WWOX: variants seen among roughly 807,000 people sequenced by gnomAD.
WWOX encodes the protein WW domain containing oxidoreductase.
A neutral mutation model predicts 46.2 loss-of-function variants in WWOX; 69 were observed. The ratio of observed to expected loss-of-function variants is 1.49; its 90% CI spans 1.23 to 1.82. WWOX has a LOEUF of 1.82. Among genes scored for constraint, WWOX ranks in the 40% most tolerant of loss-of-function variants. WWOX has a pLI of 0.00. For synonymous variants in WWOX, 359 were observed against 202.6 expected (o/e 1.77, Z -6.56); for missense variants, 919 against 542.6 (o/e 1.69, Z -6.89).
At chr16:78,859,498 G>T (rs1161141063) in intron 8 of WWOX, among the ~76,000 whole-genome samples, 1 of 152,178 alleles carries the variant, frequency 6.6e-6, no homozygotes, top group Admixed American at 6.5e-5. Flanking sequence ...ATGTGTTATA[G>T]CTCGATTTTT....
Position 78,914,357 on chromosome 16 carries a change from C to T in WWOX, c.1057-297251C>T, listed in dbSNP as rs140203798. 2.0e-5 allele frequency among the ~76,000 whole-genome samples: 3 copies of T among 152,134 alleles called. No homozygotes were observed. In the East Asian group the frequency reaches 5.8e-4, roughly 29 times the overall value. On this transcript the variant is annotated intron_variant, in intron 8 of 8. Coordinates refer to ENST00000566780, the MANE Select transcript of WWOX (RefSeq NM_016373.4). ...CTTCAGCACTTAGAACAGTACCTGG[C>T]ATATAGGATGAGCTTCAGAAATATT...
intron 8 of WWOX, among the ~76,000 whole-genome samples, chr16:78,783,048 T>G (rs2050369905): frequency 6.6e-6 from 1 of 152,198 alleles, no homozygotes; most frequent in African/African-American, 2.4e-5. Flanking sequence ...AATTATCACT[T>G]AAACTCAATA....
At chr16:79,176,629 T>C (rs1462380143) in intron 8 of WWOX, among the ~76,000 whole-genome samples, 1 of 152,192 alleles carries the variant, frequency 6.6e-6, no homozygotes, top group Non-Finnish European at 1.5e-5. Context: ...TGTGTCTTCA[T>C]GTCATTAAAC....
At chr16:78,107,426 T>C (rs2151664273) in intron 1 of WWOX, among the ~76,000 whole-genome samples, 1 of 152,360 alleles carries the variant, frequency 6.6e-6, no homozygotes, top group South Asian at 2.1e-4. Context: ...CAGAGCTTTT[T>C]GTATGCCAAG....
At chr16:78,101,915 G>C (rs1360820329) in intron 1 of WWOX, among the ~76,000 whole-genome samples, 2 of 152,152 alleles carry the variant, frequency 1.3e-5, no homozygotes, top group Non-Finnish European at 2.9e-5. Flanking sequence ...CACGCAGTGT[G>C]TATACCAGGA....
intron 7 of WWOX, among the ~76,000 whole-genome samples, chr16:78,429,816 C>G (rs2083175578): frequency 6.6e-6 from 1 of 152,186 alleles, no homozygotes; most frequent in South Asian, 2.1e-4. Context: ...GAAAAAATAA[C>G]TGAAACAAAA....
intron 8 of WWOX, among the ~76,000 whole-genome samples, chr16:78,466,441 TTTATG>T (rs572238970): frequency 0.01 from 1,541 of 151,616 alleles, 17 homozygotes; most frequent in South Asian, 0.021. Context: ...TTTGAAATAA[TTTATG>T]TTATGTGAAT....
intron 8 of WWOX, among the ~76,000 whole-genome samples, chr16:78,624,450 C>G (rs1268651974): frequency 6.6e-6 from 1 of 152,158 alleles, no homozygotes; most frequent in Non-Finnish European, 1.5e-5. Flanking sequence ...TTAATACTGA[C>G]TCATATCTTA....
At chr16:78,889,723 C>T (rs1003426726) in intron 8 of WWOX, among the ~76,000 whole-genome samples, 2 of 152,046 alleles carry the variant, frequency 1.3e-5, no homozygotes, top group African/African-American at 2.4e-5. Flanking sequence ...CAGGTATTTT[C>T]CCCCCATTTT....
intron 8 of WWOX, among the ~76,000 whole-genome samples, chr16:78,976,686 GAA>G (rs1199868593): frequency 6.6e-6 from 1 of 152,170 alleles, no homozygotes; most frequent in African/African-American, 2.4e-5. Flanking sequence ...AATCCAAAGA[GAA>G]AATGCCTGAG....
intron 8 of WWOX, among the ~76,000 whole-genome samples, chr16:78,497,614 A>G (rs1265007282): frequency 6.6e-6 from 1 of 152,226 alleles, no homozygotes; most frequent in African/African-American, 2.4e-5. Flanking sequence ...ATGCAAGAAA[A>G]GAATCTGATG....
rs554448529 is a variant in WWOX at position 78,450,040 on chromosome 16, C to T, written c.1056+17288C>T. Reference sequence around the variant, plus strand: ...TTAAGCAGGAAGCTAAAAAAAATAACCACCCGTTACTTTGCTGCTTTTAGA... The same window carrying T: ...TTAAGCAGGAAGCTAAAAAAAATAATCACCCGTTACTTTGCTGCTTTTAGA... On this transcript the variant is annotated intron_variant, in intron 8 of 8. Transcript: ENST00000566780. 4.0e-5 allele frequency among the ~76,000 whole-genome samples: 6 copies of T among 151,848 alleles called. No homozygotes were observed. The South Asian group carries it at 1.2e-3, about 32-fold the overall frequency.
At chr16:78,292,800 T>G (rs2151861519) in intron 5 of WWOX, among the ~76,000 whole-genome samples, 1 of 152,322 alleles carries the variant, frequency 6.6e-6, no homozygotes, top group African/African-American at 2.4e-5. Flanking sequence ...ATCTTATTTG[T>G]AGAGCTGAAT....
chr16:78,482,215 C>T (rs2084511294), intron 8 of WWOX, among the ~76,000 whole-genome samples: 1 of 152,106 alleles, frequency 6.6e-6, no homozygotes, highest in Admixed American at 6.5e-5. Context: ...CTTTTTATCC[C>T]AATGTCAAAT....
At chr16:78,712,817 A>C (rs1266673151) in intron 8 of WWOX, among the ~76,000 whole-genome samples, 1 of 152,192 alleles carries the variant, frequency 6.6e-6, no homozygotes, top group Admixed American at 6.5e-5. Context: ...TAATAGCGTA[A>C]ATAATTCAAG....
At chr16:78,195,027 T>C (rs1193103219) in intron 5 of WWOX, among the ~76,000 whole-genome samples, 2 of 152,230 alleles carry the variant, frequency 1.3e-5, no homozygotes, top group African/African-American at 2.4e-5. Flanking sequence ...CATCTGAGTT[T>C]GCAACTTCTT....
At chr16:78,520,483 A>G (rs2043324557) in intron 8 of WWOX, among the ~76,000 whole-genome samples, 1 of 152,162 alleles carries the variant, frequency 6.6e-6, no homozygotes, top group African/African-American at 2.4e-5. Context: ...TTAGAAAGTA[A>G]CTAGCCTGCT....
At chr16:78,453,610 C>G (rs1481879747) in intron 8 of WWOX, among the ~76,000 whole-genome samples, 4 of 151,996 alleles carry the variant, frequency 2.6e-5, no homozygotes, top group East Asian at 1.9e-4. Context: ...AGAGATAAAA[C>G]CAGCTACTTC....
At chr16:78,492,535 A>G (rs905160457) in intron 8 of WWOX, among the ~76,000 whole-genome samples, 2 of 152,348 alleles carry the variant, frequency 1.3e-5, no homozygotes, top group Admixed American at 6.5e-5. Context: ...AACAGCGAGC[A>G]GGAGACAGTC....
Sources: gnomAD v4.1 joint callset for allele counts (sites outside exome capture counted in the v4.1 genomes callset) on GRCh38, gnomAD v4.1.1 for gene constraint, MANE v1.5 for transcripts, NCBI Gene and HGNC (gene_info 2026-07-23, HGNC 2026-07-21) for gene names.